SZT2: variants seen among roughly 807,000 people sequenced by gnomAD.
The protein encoded by SZT2 is KICSTOR complex protein SZT2.
A neutral mutation model predicts 404.2 loss-of-function variants in SZT2; 216 were observed. The observed-to-expected ratio is 0.53, with a 90% CI of 0.48 to 0.60. The LOEUF (loss-of-function observed/expected upper bound fraction) is 0.60. SZT2 is among the 20% of genes least tolerant of loss of function. The pLI is 0.00. For missense variants in SZT2, 3,857 were observed against 4,459.2 expected, an observed-to-expected ratio of 0.86 and a Z score of 3.85; for synonymous variants, 1,693 against 1,749.9, an observed-to-expected ratio of 0.97 and a Z score of 0.81.
chr1:43,446,868 T>C (rs2153936685), intron 65 of SZT2, 87 bp from the exon 66 acceptor site: 1 of 1,390,146 alleles, frequency 7.2e-7, no homozygotes. Flanking sequence ...GGAAATCTTG[T>C]GCTTCTTCCC....
intron 1 of SZT2, among the ~76,000 whole-genome samples, chr1:43,391,782 C>T (rs1648356728): frequency 1.1e-5 from 1 of 91,464 alleles, no homozygotes; most frequent in Non-Finnish European, 2.4e-5. Flanking sequence ...CTGATAGCCA[C>T]ATAAAAAAAT....
rs1021711370 is a variant in SZT2 at position 43,448,876 on chromosome 1, A to G, written c.10086+148A>G. 7 of 728,516 alleles carry G rather than the reference A, an allele frequency of 9.6e-6. No individual in the cohort carries two copies. Among genetic ancestry groups the G allele is most frequent in the Non-Finnish European group, 1.7e-5 (7 of 415,238 alleles). 45.1% of individuals were successfully genotyped at this position (728,516 alleles called of 1,614,324 possible). The stretch of plus-strand genomic sequence containing the variant: ...ACACAGATACATGTAAAACCCTTCC[A>G]GTACCGGGCATCGAGCTACAGCATG... On this transcript the variant is annotated intron_variant, in intron 70 of 71. Transcript: ENST00000634258. The surrounding 1 kb of genome is among the most constrained non-coding windows in gnomAD (Gnocchi z 4.2).
In SZT2 at chr1:43,451,146, CAT is replaced by C. The variant is rs749198098; in HGVS notation, c.*669_*670del. 1.0e-5 allele frequency: 12 copies of C among 1,187,624 alleles called. No individual in the cohort carries two copies. The highest frequency in any genetic ancestry group is 1.5e-5 in the Non-Finnish European group (12 of 793,140). 73.6% of individuals were successfully genotyped at this position (1,187,624 alleles called of 1,614,324 possible). A position where few individuals can be genotyped will look rare whatever the true frequency, so the allele number is the denominator to read the frequency against. On this transcript the variant is annotated 3_prime_UTR_variant, in exon 72 of 72. Coordinates refer to ENST00000634258, the MANE Select transcript of SZT2 (RefSeq NM_001365999.1). ...GTGTCCCACCACCCCATTACAGAGACATATGACAATGTTCAGCAGGTCATCTT... is the reference window on the plus strand; with the variant it reads ...GTGTCCCACCACCCCATTACAGAGACATGACAATGTTCAGCAGGTCATCTT...
chr1:43,402,200 G>A (rs886918030), intron 1 of SZT2, among the ~76,000 whole-genome samples: 2 of 152,224 alleles, frequency 1.3e-5, no homozygotes, highest in Admixed American at 1.3e-4. Flanking sequence ...GACACAGGAG[G>A]AGAAATTTGC....
rs879714460 is a variant in SZT2, at chr1:43,441,403, C to T, written c.7511+23C>T. On this transcript the variant is annotated intron_variant, in intron 53 of 71. Transcript: ENST00000634258. The surrounding 1 kb of genome is among the most constrained non-coding windows in gnomAD (Gnocchi z 4.8). ...AAAGTATGTGTGTGGTGGTGGTGTGCCCTGGGAGGGTATGGGTGTGAAGTC... is the reference window on the plus strand; with the variant it reads ...AAAGTATGTGTGTGGTGGTGGTGTGTCCTGGGAGGGTATGGGTGTGAAGTC... 6.2e-7 allele frequency: 1 copy of T among 1,612,810 alleles called. No individual in the cohort carries two copies. The highest frequency in any genetic ancestry group is 1.7e-5 in the Admixed American group (1 of 59,958).
chr1:43,391,312 C>T (rs374907946), intron 1 of SZT2, among the ~76,000 whole-genome samples: 65 of 149,198 alleles, frequency 4.4e-4, no homozygotes, highest in African/African-American at 1.6e-3. Flanking sequence ...GAAACTCCGT[C>T]TCAAAAAAAA....
rs1056236214 is a variant in SZT2 at position 43,437,119 on chromosome 1, G to T, written c.6035-52G>T. 72 of 1,602,744 alleles carry T rather than the reference G, an allele frequency of 4.5e-5. No homozygotes were observed. The highest frequency in any genetic ancestry group is 6.0e-5 in the Non-Finnish European group (71 of 1,173,676). ...CCAGTTCCCAGGTGAGAAGTCTGTG[G>T]AGGGCAGAGGGTGGTGTGTCCCATT... On this transcript the variant is annotated intron_variant, in intron 42 of 71. Transcript: ENST00000634258. The surrounding 1 kb of genome is among the most constrained non-coding windows in gnomAD (Gnocchi z 5.3).
chr1:43,445,792 C>A (rs1401871317), intron 62 of SZT2, 102 bp from the exon 63 acceptor site: 6 of 1,183,566 alleles, frequency 5.1e-6, no homozygotes, highest in Non-Finnish European at 7.4e-6. Flanking sequence ...TCTGTTTCCT[C>A]CCTTGCAAAA....
At chr1:43,440,076 C>T in intron 51 of SZT2, 28 bp downstream of exon 51, 1 of 1,612,910 alleles carries the variant, frequency 6.2e-7, no homozygotes, top group Non-Finnish European at 8.5e-7. Context: ...TCCCTGGGGT[C>T]CAGAGAATGT....
At position 43,451,823 on chromosome 1, in the gene SZT2, C is replaced by T. The variant is rs1398005746; in HGVS notation, c.*1343C>T. 2.5e-6 allele frequency: 4 copies of T among 1,613,950 alleles called. No individual in the cohort carries two copies. The highest frequency in any genetic ancestry group is 2.7e-5 in the African/African-American group (2 of 74,894). On this transcript the variant is annotated 3_prime_UTR_variant, in exon 72 of 72. Transcript: ENST00000634258. ...CATTTGTAATTGGAGGTTGGGTCTT[C>T]CTACCTTCTGTAAGATGGCTGCCGC...
intron 67 of SZT2, 21 bp from the exon 68 acceptor site, chr1:43,447,828 T>C (rs759789653): frequency 6.2e-7 from 1 of 1,613,640 alleles, no homozygotes. Context: ...AGTTGACATC[T>C]CCCCAACCCG....
At chr1:43,394,171 C>A in intron 1 of SZT2, 1 of 669,762 alleles carries the variant, frequency 1.5e-6, no homozygotes, top group Non-Finnish European at 1.8e-6. Context: ...CACTTGGAGA[C>A]CTTGTTAGAA....
intron 4 of SZT2, chr1:43,406,201 C>A: frequency 3.7e-6 from 1 of 271,850 alleles, no homozygotes; most frequent in Non-Finnish European, 7.3e-6. Flanking sequence ...AATTCTCCTG[C>A]CTCAGCCTTT....
Position 43,424,439 on chromosome 1 carries a change from C to T in SZT2, c.2471+7C>T, listed in dbSNP as rs2153932919. 2 of 1,596,660 alleles carry T rather than the reference C, an allele frequency of 1.3e-6. No homozygotes were observed. Among genetic ancestry groups the T allele is most frequent in the Non-Finnish European group, 1.7e-6 (2 of 1,178,908 alleles). ...TCCTCTCCATCCTCACTGAGTATGTCATCCAAGCCTGCCAGGTCACTCGGG... is the reference window on the plus strand; with the variant it reads ...TCCTCTCCATCCTCACTGAGTATGTTATCCAAGCCTGCCAGGTCACTCGGG... On this transcript the variant is annotated splice_region_variant and intron_variant, in intron 16 of 71. Transcript: ENST00000634258. This position sits in a 1 kb window ranked among gnomAD's most constrained non-coding sequence, Gnocchi z 4.1.
intron 1 of SZT2, among the ~76,000 whole-genome samples, chr1:43,402,775 G>A (rs1399669012): frequency 6.6e-6 from 1 of 152,188 alleles, no homozygotes; most frequent in Non-Finnish European, 1.5e-5. Context: ...GACTTGTTAG[G>A]AGTAACTGTC....
At chr1:43,401,709 C>T (rs1649710564) in intron 1 of SZT2, among the ~76,000 whole-genome samples, 1 of 152,208 alleles carries the variant, frequency 6.6e-6, no homozygotes, top group Non-Finnish European at 1.5e-5. Context: ...TGGTCTCGAA[C>T]TCCTGACCTC....
intron 4 of SZT2, chr1:43,404,797 C>G: frequency 2.5e-6 from 1 of 396,376 alleles, no homozygotes; most frequent in South Asian, 4.8e-5. Flanking sequence ...TTTTTCACTG[C>G]TCCTGTAAAT....
chr1:43,451,765 C>T lies in SZT2; in HGVS notation c.*1285C>T. 6.2e-7 allele frequency: 1 copy of T among 1,614,010 alleles called. No homozygotes were observed. Among genetic ancestry groups the T allele is most frequent in the Non-Finnish European group, 8.5e-7 (1 of 1,179,888 alleles). ...CCGAGACCCCGCAGGCCCCGCCCTC[C>T]TTCCGATCTGCGAAGTACCCCCTTC... On this transcript the variant is annotated 3_prime_UTR_variant, in exon 72 of 72. Coordinates refer to ENST00000634258, the MANE Select transcript of SZT2 (RefSeq NM_001365999.1).
At chr1:43,446,144 G>GC (rs766694665) in intron 63 of SZT2, 35 bp from the exon 64 acceptor site, 7 of 1,612,800 alleles carry the variant, frequency 4.3e-6, no homozygotes, top group Non-Finnish European at 5.1e-6. Flanking sequence ...AGGCTGGTGA[G>GC]CCCCCAAACC....
Sources: allele counts gnomAD v4.1 joint callset (sites outside exome capture counted in the v4.1 genomes callset), GRCh38; gene constraint gnomAD v4.1.1; non-coding constraint Gnocchi (gnomAD v3.1); transcripts MANE v1.5; gene names NCBI Gene and HGNC (gene_info 2026-07-23, HGNC 2026-07-21).